The following KCNIP4 variants were observed in gnomAD, a reference collection of about 807,000 sequenced individuals.
The protein encoded by KCNIP4 is Kv channel-interacting protein 4.
Under a neutral mutation model 34.0 loss-of-function variants are expected in KCNIP4, and 12 were observed. That is an observed-to-expected ratio of 0.35 (90% CI 0.23 to 0.57). KCNIP4 has a LOEUF of 0.57. Ranked by LOEUF, KCNIP4 falls within the 20% of genes least tolerant of loss-of-function variation. The pLI is 0.83. For missense variants in KCNIP4, 238 were observed against 311.7 expected, an observed-to-expected ratio of 0.76 and a Z score of 1.78; for synonymous variants, 124 against 102.2, an observed-to-expected ratio of 1.21 and a Z score of -1.29.
At chr4:20,833,161 T>C (rs956087709) in intron 3 of KCNIP4, among the ~76,000 whole-genome samples, 1 of 152,260 alleles carries the variant, frequency 6.6e-6, no homozygotes, top group African/African-American at 2.4e-5. Flanking sequence ...CTATTACATG[T>C]GAAGGCATTT....
chr4:20,772,363 A>G (rs1468144743), intron 3 of KCNIP4, among the ~76,000 whole-genome samples: 1 of 152,248 alleles, frequency 6.6e-6, no homozygotes, highest in East Asian at 1.9e-4. Context: ...TTAATCAACA[A>G]GCATGGCCCT....
intron 1 of KCNIP4, among the ~76,000 whole-genome samples, chr4:21,488,845 A>G (rs910398639): frequency 6.6e-6 from 1 of 152,118 alleles, no homozygotes; most frequent in Non-Finnish European, 1.5e-5. Context: ...GGGTTGAGAT[A>G]TCAGTATCCA....
chr4:20,761,386 A>G (rs1225800409), intron 3 of KCNIP4, among the ~76,000 whole-genome samples: 1 of 152,232 alleles, frequency 6.6e-6, no homozygotes, highest in Non-Finnish European at 1.5e-5. Context: ...CAAAGGTGGT[A>G]TGTATACAGC....
chr4:21,935,718 T>G (rs1729823476), intron 1 of KCNIP4, among the ~76,000 whole-genome samples: 1 of 152,068 alleles, frequency 6.6e-6, no homozygotes, highest in Non-Finnish European at 1.5e-5. Flanking sequence ...CTTCTCATCC[T>G]CATGATTAAA....
At chr4:21,689,285 AT>A (rs1215403897) in intron 1 of KCNIP4, among the ~76,000 whole-genome samples, 1 of 152,192 alleles carries the variant, frequency 6.6e-6, no homozygotes, top group Non-Finnish European at 1.5e-5. Context: ...TATTTCAATT[AT>A]TTTTAGTGAA....
At chr4:21,486,487 G>T (rs1028383270) in intron 1 of KCNIP4, among the ~76,000 whole-genome samples, 4 of 152,064 alleles carry the variant, frequency 2.6e-5, no homozygotes, top group African/African-American at 9.7e-5. Context: ...GGAAATGGAA[G>T]GATTCCTCTA....
At chr4:21,063,243 G>A (rs1279400819) in intron 1 of KCNIP4, among the ~76,000 whole-genome samples, 3 of 152,096 alleles carry the variant, frequency 2.0e-5, no homozygotes, top group Admixed American at 2.0e-4. Flanking sequence ...GACAATAAGT[G>A]TCTGTTGCTT....
At chr4:20,928,166 T>A (rs1730083600) in intron 1 of KCNIP4, among the ~76,000 whole-genome samples, 1 of 152,000 alleles carries the variant, frequency 6.6e-6, no homozygotes, top group South Asian at 2.1e-4. Flanking sequence ...CTACGTATAA[T>A]CTATAAATTA....
At chr4:21,717,019 A>T (rs1714438768) in intron 1 of KCNIP4, among the ~76,000 whole-genome samples, 1 of 152,016 alleles carries the variant, frequency 6.6e-6, no homozygotes, top group Non-Finnish European at 1.5e-5. Context: ...TCCCCATCTG[A>T]TGGGTTTCAG....
chr4:20,988,239 G>A (rs1158074671), intron 1 of KCNIP4, among the ~76,000 whole-genome samples: 1 of 151,982 alleles, frequency 6.6e-6, no homozygotes, highest in Non-Finnish European at 1.5e-5. Context: ...CATGTTGAAT[G>A]GTTCTTTAAC....
intron 3 of KCNIP4, among the ~76,000 whole-genome samples, chr4:20,784,060 A>C (rs1382411546): frequency 6.6e-6 from 1 of 152,168 alleles, no homozygotes; most frequent in Non-Finnish European, 1.5e-5. Flanking sequence ...CTATTTAGTA[A>C]ATGATAAAAC....
chr4:21,388,377 C>T (rs946543617), intron 1 of KCNIP4, among the ~76,000 whole-genome samples: 7 of 151,510 alleles, frequency 4.6e-5, no homozygotes, highest in Non-Finnish European at 7.4e-5. Context: ...AAGAAGTGTC[C>T]CTATTTCATA....
intron 1 of KCNIP4, among the ~76,000 whole-genome samples, chr4:21,724,682 T>C (rs939880286): frequency 7.2e-5 from 11 of 152,050 alleles, no homozygotes; most frequent in Non-Finnish European, 1.0e-4. Flanking sequence ...ATTTCACATA[T>C]AATTTTATGC....
chr4:21,708,236 CT>C (rs565988077), intron 1 of KCNIP4, among the ~76,000 whole-genome samples: 2 of 152,146 alleles, frequency 1.3e-5, no homozygotes, highest in Non-Finnish European at 2.9e-5. Context: ...AATATATAAA[CT>C]TTTTTTCTTT....
intron 1 of KCNIP4, among the ~76,000 whole-genome samples, chr4:21,730,351 C>T (rs1715497510): frequency 6.6e-6 from 1 of 152,068 alleles, no homozygotes. Flanking sequence ...TTTTTCTAGA[C>T]TCTGACCTCC....
At chr4:20,955,536 G>A (rs1057420880) in intron 1 of KCNIP4, among the ~76,000 whole-genome samples, 2 of 151,906 alleles carry the variant, frequency 1.3e-5, no homozygotes, top group Admixed American at 6.6e-5. Flanking sequence ...TTGATGGTGG[G>A]GCCACTTCTA....
chr4:21,154,064 T>C (rs1410713267), intron 1 of KCNIP4, among the ~76,000 whole-genome samples: 2 of 152,218 alleles, frequency 1.3e-5, no homozygotes, highest in Admixed American at 6.5e-5. Context: ...ATTGCTGTGA[T>C]GATGAATTGC....
chr4:20,816,604 C>T (rs1277435884), intron 3 of KCNIP4, among the ~76,000 whole-genome samples: 3 of 152,128 alleles, frequency 2.0e-5, no homozygotes, highest in Non-Finnish European at 1.5e-5. Context: ...GAGTAGTTAC[C>T]AAAGGAAGAG....
At chr4:20,999,451 T>TTTTG (rs1737897973) in intron 1 of KCNIP4, among the ~76,000 whole-genome samples, 1 of 132,344 alleles carries the variant, frequency 7.6e-6, no homozygotes, top group African/African-American at 3.0e-5. Context: ...TTTTTTTTTT[T>TTTTG]TTTTTATCTT....
Sources: allele counts gnomAD v4.1 joint callset (sites outside exome capture counted in the v4.1 genomes callset), GRCh38; gene constraint gnomAD v4.1.1; transcripts MANE v1.5; gene names NCBI Gene and HGNC (gene_info 2026-07-23, HGNC 2026-07-21).